The following SLIT3 variants were observed in gnomAD, a reference collection of about 807,000 sequenced individuals.
The protein encoded by SLIT3 is slit guidance ligand 3, also known as slit homolog 3 protein.
SLIT3 carries 68 observed loss-of-function variants against 184.0 expected under a neutral mutation model. That is an observed-to-expected ratio of 0.37 (90% CI 0.30 to 0.45). SLIT3 has a LOEUF of 0.45. SLIT3 is among the 20% of genes least tolerant of loss of function. SLIT3 has a pLI of 1.00. For synonymous variants in SLIT3, 831 were observed against 828.6 expected (o/e 1.00, Z -0.05); for missense variants, 1,707 against 2,026.0 (o/e 0.84, Z 3.02).
chr5:169,107,134 G>T (rs986643945), intron 4 of SLIT3, among the ~76,000 whole-genome samples: 1 of 152,208 alleles, frequency 6.6e-6, no homozygotes, highest in Admixed American at 6.5e-5. Context: ...CACAGTCCTT[G>T]CCTCCTCATG....
chr5:168,978,499 C>A (rs968877862), intron 4 of SLIT3, among the ~76,000 whole-genome samples: 1 of 152,202 alleles, frequency 6.6e-6, no homozygotes, highest in Admixed American at 6.5e-5. Context: ...GAACATCTAA[C>A]AGGCAGAACC....
At chr5:168,872,763 C>T (rs896364521) in intron 5 of SLIT3, among the ~76,000 whole-genome samples, 15 of 151,632 alleles carry the variant, frequency 9.9e-5, no homozygotes, top group African/African-American at 3.6e-4. Context: ...CTCAGCCTCT[C>T]CCGAGTAGCT....
chr5:168,976,322 A>G (rs927554266), intron 4 of SLIT3, among the ~76,000 whole-genome samples: 2 of 152,282 alleles, frequency 1.3e-5, no homozygotes. Context: ...GTGGCTGCAG[A>G]GCCAAACTTC....
chr5:169,287,539 G>C, intron 1 of SLIT3, among the ~76,000 whole-genome samples: 1 of 152,180 alleles, frequency 6.6e-6, no homozygotes, highest in East Asian at 1.9e-4. Context: ...CCTCTCTGGT[G>C]ACCTTTCTAA....
At chr5:168,673,088 C>T in intron 33 of SLIT3, 89 bp downstream of exon 33, 1 of 1,312,354 alleles carries the variant, frequency 7.6e-7, no homozygotes, top group African/African-American at 1.5e-5. Flanking sequence ...GGAAGCCTTC[C>T]CTGATTGGCT....
In SLIT3 at chr5:169,149,477, A is replaced by G. The variant is rs966397241; in HGVS notation, c.413+44002T>C. Among the ~76,000 whole-genome samples the G allele has an allele frequency of 3.2e-4, 48 of 151,922 alleles. 2 individuals carry two copies. The highest frequency in any genetic ancestry group is 1.1e-3 in the African/African-American group (47 of 41,374). ...GATTGACTTTTGACTTTTCAAATCCATCTGTAAGAGACCCAGACTCCAGAG... is the reference window on the plus strand; with the variant it reads ...GATTGACTTTTGACTTTTCAAATCCGTCTGTAAGAGACCCAGACTCCAGAG... On this transcript the variant is annotated intron_variant, in intron 4 of 35. Coordinates refer to ENST00000519560, the MANE Select transcript of SLIT3 (RefSeq NM_003062.4).
At chr5:169,007,428 G>A (rs1755976891) in intron 4 of SLIT3, among the ~76,000 whole-genome samples, 1 of 152,216 alleles carries the variant, frequency 6.6e-6, no homozygotes, top group African/African-American at 2.4e-5. Flanking sequence ...TGGAACATCA[G>A]GCAGTCCCTT....
intron 4 of SLIT3, among the ~76,000 whole-genome samples, chr5:169,154,642 T>A (rs968734874): frequency 6.6e-6 from 1 of 152,254 alleles, no homozygotes; most frequent in Admixed American, 6.5e-5. Flanking sequence ...ATTAATAAAG[T>A]CAAGACAGCT....
chr5:169,102,892 T>A (rs1280023035), intron 4 of SLIT3, among the ~76,000 whole-genome samples: 1 of 152,210 alleles, frequency 6.6e-6, no homozygotes, highest in African/African-American at 2.4e-5. Context: ...TGAGCTGACA[T>A]ACAAATCACA....
At chr5:169,133,432 T>C (rs1299279581) in intron 4 of SLIT3, among the ~76,000 whole-genome samples, 1 of 152,208 alleles carries the variant, frequency 6.6e-6, no homozygotes, top group African/African-American at 2.4e-5. Flanking sequence ...GTGTCATCTA[T>C]GCATAGAGCC....
intron 4 of SLIT3, among the ~76,000 whole-genome samples, chr5:168,980,401 C>T (rs1754908289): frequency 6.6e-6 from 1 of 152,132 alleles, no homozygotes; most frequent in African/African-American, 2.4e-5. Context: ...TTATCTGAGT[C>T]CCAAAACCGT....
rs1375426103 is a variant in SLIT3, at chr5:168,700,671, G to A, written c.2853C>T (p.Asp951=). The change falls in exon 27 of 36, where the codon GAC becomes GAT. Residue 951 remains aspartate, a synonymous_variant. Transcript: ENST00000519560. The part of the protein sequence containing the change: ...CACPYSYKGK[D]CTVPINTCIQ... ...TGCAGGTGTTGATGGGCACAGTGCAGTCCTTGCCCTGAGGAGCAAAAGAGG... is the reference window on the plus strand; with the variant it reads ...TGCAGGTGTTGATGGGCACAGTGCAATCCTTGCCCTGAGGAGCAAAAGAGG... The A allele has an allele frequency of 1.2e-6, 2 of 1,613,728 alleles. No individual in the cohort carries two copies. Among genetic ancestry groups the A allele is most frequent in the South Asian group, 2.2e-5 (2 of 91,058 alleles).
intron 4 of SLIT3, among the ~76,000 whole-genome samples, chr5:168,974,079 C>T (rs946428437): frequency 3.9e-5 from 6 of 152,174 alleles, no homozygotes; most frequent in Admixed American, 1.3e-4. Flanking sequence ...TCTCTCTCCA[C>T]CTACCTATCT....
At chr5:169,224,548 T>G (rs1336569941) in intron 3 of SLIT3, among the ~76,000 whole-genome samples, 1 of 152,026 alleles carries the variant, frequency 6.6e-6, no homozygotes, top group East Asian at 1.9e-4. Context: ...TTTGTATTTT[T>G]GTAGAGATGG....
intron 8 of SLIT3, among the ~76,000 whole-genome samples, chr5:168,812,249 A>G (rs1367524798): frequency 6.6e-6 from 1 of 152,162 alleles, no homozygotes; most frequent in African/African-American, 2.4e-5. Flanking sequence ...GCATGTATGA[A>G]GTTATGGTTA....
chr5:169,033,296 G>A (rs942456395), intron 4 of SLIT3, among the ~76,000 whole-genome samples: 3 of 152,154 alleles, frequency 2.0e-5, no homozygotes, highest in Admixed American at 6.5e-5. Context: ...CTTTTTTAGG[G>A]CTGAATAATA....
chr5:168,804,964 A>T (rs553964639), intron 9 of SLIT3, among the ~76,000 whole-genome samples: 5 of 152,326 alleles, frequency 3.3e-5, no homozygotes, highest in African/African-American at 1.2e-4. Context: ...GCCTTTGCAC[A>T]TGCGATTCCC....
At chr5:168,828,949 G>A (rs1004341618) in intron 6 of SLIT3, among the ~76,000 whole-genome samples, 4 of 152,184 alleles carry the variant, frequency 2.6e-5, no homozygotes, top group South Asian at 2.1e-4. Context: ...TGGGGCAGGC[G>A]TGGTGTTTCC....
chr5:168,779,980 C>G (rs1022003265), intron 12 of SLIT3, among the ~76,000 whole-genome samples: 1 of 152,238 alleles, frequency 6.6e-6, no homozygotes, highest in Non-Finnish European at 1.5e-5. Flanking sequence ...TTGCTCTGAT[C>G]CGCTCTTCAA....
Sources: gnomAD v4.1 joint callset for allele counts (sites outside exome capture counted in the v4.1 genomes callset) on GRCh38, gnomAD v4.1.1 for gene constraint, MANE v1.5 for transcripts, NCBI Gene and HGNC (gene_info 2026-07-23, HGNC 2026-07-21) for gene names.